MACROD2: variants seen among roughly 807,000 people sequenced by gnomAD.
The protein encoded by MACROD2 is mono-ADP ribosylhydrolase 2.
In MACROD2, 36 loss-of-function variants were observed where a neutral mutation model predicts 70.4. The ratio of observed to expected loss-of-function variants is 0.51; its 90% CI spans 0.39 to 0.68. The LOEUF is 0.68. Ranked by LOEUF, MACROD2 falls within the 30% of genes least tolerant of loss-of-function variation. The pLI is 0.00. For missense variants in MACROD2, 496 were observed against 538.4 expected, an observed-to-expected ratio of 0.92 and a Z score of 0.78; for synonymous variants, 172 against 178.8, an observed-to-expected ratio of 0.96 and a Z score of 0.30.
chr20:14,189,461 G>A (rs1292003032), intron 3 of MACROD2, among the ~76,000 whole-genome samples: 4 of 152,140 alleles, frequency 2.6e-5, no homozygotes, highest in South Asian at 2.1e-4. Flanking sequence ...CTTAATTACA[G>A]CAGCTTTTTG....
intron 4 of MACROD2, among the ~76,000 whole-genome samples, chr20:14,682,637 T>A (rs2070947785): frequency 6.6e-6 from 1 of 152,124 alleles, no homozygotes; most frequent in South Asian, 2.1e-4. Flanking sequence ...CTATTCATTT[T>A]AAGTGGTGTA....
At chr20:14,443,658 G>A (rs759210151) in intron 3 of MACROD2, among the ~76,000 whole-genome samples, 2 of 152,104 alleles carry the variant, frequency 1.3e-5, no homozygotes, top group Non-Finnish European at 2.9e-5. Flanking sequence ...TGGGGAAAAT[G>A]TCAAATTGAT....
At chr20:15,830,773 G>A (rs995217325) in intron 8 of MACROD2, among the ~76,000 whole-genome samples, 7 of 152,170 alleles carry the variant, frequency 4.6e-5, no homozygotes, top group African/African-American at 1.7e-4. Flanking sequence ...GAAATTAAAT[G>A]TATCCATCAA....
chr20:14,134,247 C>T (rs1216592325), intron 3 of MACROD2, among the ~76,000 whole-genome samples: 2 of 152,118 alleles, frequency 1.3e-5, no homozygotes, highest in South Asian at 2.1e-4. Flanking sequence ...GGTTTTATAT[C>T]GGGCCACGGT....
At chr20:15,694,528 C>T (rs1268403399) in intron 8 of MACROD2, among the ~76,000 whole-genome samples, 1 of 151,790 alleles carries the variant, frequency 6.6e-6, no homozygotes, top group Non-Finnish European at 1.5e-5. Context: ...TGAGAATTGT[C>T]TATTCATATT....
intron 6 of MACROD2, among the ~76,000 whole-genome samples, chr20:15,339,260 A>G (rs780635984): frequency 3.3e-5 from 5 of 151,894 alleles, no homozygotes; most frequent in East Asian, 1.9e-4. Context: ...AATTTTATCT[A>G]TCATAGGTTA....
chr20:15,220,331 T>C (rs894237915), intron 5 of MACROD2, among the ~76,000 whole-genome samples: 2 of 152,234 alleles, frequency 1.3e-5, no homozygotes, highest in African/African-American at 4.8e-5. Context: ...TAATTATCCA[T>C]TAAGCAACTG....
intron 8 of MACROD2, among the ~76,000 whole-genome samples, chr20:15,628,481 C>G (rs2049239637): frequency 6.6e-6 from 1 of 152,174 alleles, no homozygotes; most frequent in African/African-American, 2.4e-5. Flanking sequence ...TGTGAGAAAA[C>G]AAGGAAGTTT....
At chr20:15,682,368 T>G (rs916175220) in intron 8 of MACROD2, among the ~76,000 whole-genome samples, 1 of 152,218 alleles carries the variant, frequency 6.6e-6, no homozygotes, top group Non-Finnish European at 1.5e-5. Context: ...TTTGTGGAAC[T>G]GGAGCAGCTC....
intron 5 of MACROD2, among the ~76,000 whole-genome samples, chr20:15,075,399 C>A (rs2075650254): frequency 2.0e-5 from 3 of 152,112 alleles, no homozygotes; most frequent in African/African-American, 4.8e-5. Context: ...CATTGTGTAT[C>A]TATCAGCTAA....
chr20:14,051,838 C>T (rs556830494), intron 2 of MACROD2: 36 of 485,406 alleles, frequency 7.4e-5, no homozygotes, highest in African/African-American at 6.2e-4. Flanking sequence ...AAAGGCCCAT[C>T]CTTTTTGTGA....
intron 4 of MACROD2, among the ~76,000 whole-genome samples, chr20:14,634,553 A>G (rs1012801327): frequency 1.3e-5 from 1 of 78,176 alleles, no homozygotes; most frequent in East Asian, 4.4e-4. Flanking sequence ...CCCCCGCCCA[A>G]CTGGAGTTTA....
chr20:15,478,962 C>T (rs2047058391), intron 7 of MACROD2, among the ~76,000 whole-genome samples: 1 of 152,174 alleles, frequency 6.6e-6, no homozygotes, highest in South Asian at 2.1e-4. Flanking sequence ...TAAATCAACA[C>T]AAAAAGAGAT....
At chr20:14,429,532 C>T (rs961006577) in intron 3 of MACROD2, among the ~76,000 whole-genome samples, 5 of 152,138 alleles carry the variant, frequency 3.3e-5, no homozygotes, top group African/African-American at 1.2e-4. Flanking sequence ...TTGCCTTAAA[C>T]ATGTGTTGGA....
intron 8 of MACROD2, among the ~76,000 whole-genome samples, chr20:15,800,474 G>T (rs774447609): frequency 3.3e-5 from 5 of 152,142 alleles, no homozygotes; most frequent in Non-Finnish European, 7.3e-5. Context: ...AAGAGATAAA[G>T]GTCTAGTTTT....
At chr20:14,501,038 A>AG (rs1216747555) in intron 4 of MACROD2, among the ~76,000 whole-genome samples, 2 of 151,000 alleles carry the variant, frequency 1.3e-5, no homozygotes, top group East Asian at 3.9e-4. Context: ...TTCTAAATGA[A>AG]AAAAAAAAAC....
chr20:14,693,569 A>C (rs957880266), intron 5 of MACROD2, among the ~76,000 whole-genome samples: 4 of 152,134 alleles, frequency 2.6e-5, no homozygotes, highest in Admixed American at 1.3e-4. Flanking sequence ...GAATGTATTA[A>C]CTCTCCCTGT....
intron 5 of MACROD2, among the ~76,000 whole-genome samples, chr20:15,109,369 G>T (rs1215676710): frequency 6.6e-6 from 1 of 152,118 alleles, no homozygotes; most frequent in Admixed American, 6.6e-5. Flanking sequence ...TATACTAAGA[G>T]ATTTTAATTA....
At chr20:15,458,595 A>G (rs1482032850) in intron 7 of MACROD2, among the ~76,000 whole-genome samples, 2 of 151,656 alleles carry the variant, frequency 1.3e-5, no homozygotes, top group African/African-American at 4.9e-5. Context: ...TTTGGGACAG[A>G]TAAAGGCAAT....
Sources: allele counts gnomAD v4.1 joint callset (sites outside exome capture counted in the v4.1 genomes callset), GRCh38; gene constraint gnomAD v4.1.1; transcripts MANE v1.5; gene names NCBI Gene and HGNC (gene_info 2026-07-23, HGNC 2026-07-21).